The following AGBL2 variants were observed in gnomAD, a reference collection of about 807,000 sequenced individuals.
AGBL2 encodes AGBL carboxypeptidase 2.
Under a neutral mutation model 103.0 loss-of-function variants are expected in AGBL2, and 87 were observed. The ratio of observed to expected loss-of-function variants is 0.84; its 90% CI spans 0.71 to 1.01. AGBL2 has a LOEUF of 1.01. AGBL2 is among the 50% of genes least tolerant of loss of function. The pLI, the probability that AGBL2 is intolerant of heterozygous loss-of-function variation, is 0.00. For synonymous variants in AGBL2, 335 were observed against 356.7 expected (o/e 0.94, Z 0.69); for missense variants, 904 against 1,023.5 (o/e 0.88, Z 1.59).
At chr11:47,689,170 G>C (rs1270794514) in intron 10 of AGBL2, among the ~76,000 whole-genome samples, 1 of 151,928 alleles carries the variant, frequency 6.6e-6, no homozygotes, top group Non-Finnish European at 1.5e-5. Flanking sequence ...TTCTTTCTTT[G>C]TGATAGGCAA....
chr11:47,708,874 C>A (rs541018127), intron 4 of AGBL2, among the ~76,000 whole-genome samples: 1 of 151,838 alleles, frequency 6.6e-6, no homozygotes, highest in African/African-American at 2.4e-5. Flanking sequence ...GTAATCCCAG[C>A]ACTTTGGGAG....
rs761643461 is a variant in AGBL2, at chr11:47,668,887, G to C, written c.2168C>G (p.Ser723Cys). 6.2e-7 allele frequency: 1 copy of C among 1,612,724 alleles called. No homozygotes were observed. Among genetic ancestry groups the C allele is most frequent in the South Asian group, 1.1e-5 (1 of 91,018 alleles). Reference sequence around the variant, plus strand: ...GTGAACAGGAAGACCATCTGAGAGAGAACTGTCAGAGCCACTGGTGCTGTT... The same window carrying C: ...GTGAACAGGAAGACCATCTGAGAGACAACTGTCAGAGCCACTGGTGCTGTT... Reference protein sequence around the residue: ...IESSTSGSDSSLSDGLPVHLA... With the variant: ...IESSTSGSDSCLSDGLPVHLA... Residue 723 changes from serine (S) to cysteine (C), a missense_variant, in exon 15 of 19, where the codon TCT becomes TGT. Ser to Cys is a moderately radical substitution (Grantham distance 112). Coordinates refer to ENST00000525123, the MANE Select transcript of AGBL2 (RefSeq NM_024783.4).
intron 10 of AGBL2, among the ~76,000 whole-genome samples, chr11:47,689,302 A>ATTTTTTTTTTT (rs397741033): frequency 7.9e-6 from 1 of 126,218 alleles, no homozygotes; most frequent in Non-Finnish European, 1.6e-5. Context: ...CCACTTCTCA[A>ATTTTTTTTTTT]TTTTTTTTTT....
intron 18 of AGBL2, among the ~76,000 whole-genome samples, chr11:47,661,046 T>C (rs1242049916): frequency 6.6e-6 from 1 of 152,096 alleles, no homozygotes; most frequent in African/African-American, 2.4e-5. Context: ...TATCACACTA[T>C]AAATTTTAAG....
chr11:47,667,015 TG>T lies in AGBL2; in HGVS notation c.2388del (p.Phe796LeufsTer12). ...AAAAAACTGGAATTCTCTGAGTTTT[TG>T]AAAAAGGTTGGCTGCTTTTGCAGAG... ...ASTLQKQPTFFKNSENSSFLP... is the reference protein window; with the variant it reads ...ASTLQKQPTFXKNSENSSFLP... On this transcript the variant is annotated frameshift_variant, in exon 17 of 19. Coordinates refer to ENST00000525123, the MANE Select transcript of AGBL2 (RefSeq NM_024783.4). LOFTEE classifies it high-confidence loss of function. 6.2e-7 allele frequency: 1 copy of T among 1,613,270 alleles called. No homozygotes were observed. The highest frequency in any genetic ancestry group is 8.5e-7 in the Non-Finnish European group (1 of 1,179,828).
rs1390294860 is a variant in AGBL2, at chr11:47,682,069, CTTAAAA to C, written c.1809_1814del (p.Asn603_Phe604del). 2.5e-6 allele frequency: 4 copies of C among 1,614,000 alleles called. 1 individual carries two copies. In the South Asian group the frequency reaches 4.4e-5, roughly 18 times the overall value. ...CTGTTCCTTCTTTGCATTTTTGGAC[CTTAAAA>C]TTACAACTGTGAAAAGAGAACTAAA... On this transcript the variant is annotated inframe_deletion, in exon 12 of 19. Coordinates refer to ENST00000525123, the MANE Select transcript of AGBL2 (RefSeq NM_024783.4).
At chr11:47,701,140 T>C (rs1222247085) in intron 7 of AGBL2, among the ~76,000 whole-genome samples, 1 of 152,054 alleles carries the variant, frequency 6.6e-6, no homozygotes, top group Admixed American at 6.6e-5. Flanking sequence ...ATAAGTTTCT[T>C]TGAAACATTT....
At chr11:47,707,503 C>A (rs1323141020) in intron 4 of AGBL2, among the ~76,000 whole-genome samples, 1 of 152,170 alleles carries the variant, frequency 6.6e-6, no homozygotes, top group Non-Finnish European at 1.5e-5. Context: ...ATAGAACTAT[C>A]TGATCTCGTG....
intron 3 of AGBL2, 104 bp from the exon 4 acceptor site, chr11:47,710,615 A>C (rs1329843035): frequency 1.5e-6 from 2 of 1,369,312 alleles, no homozygotes; most frequent in East Asian, 4.6e-5. Context: ...ACCCACCACC[A>C]CAGCCCTTTG....
chr11:47,712,474 T>G (rs1376191752), intron 3 of AGBL2, among the ~76,000 whole-genome samples: 1 of 152,214 alleles, frequency 6.6e-6, no homozygotes, highest in East Asian at 1.9e-4. Context: ...TATAAATCTT[T>G]ATTGGGAGAC....
intron 14 of AGBL2, among the ~76,000 whole-genome samples, chr11:47,675,878 C>T (rs972804727): frequency 4.9e-4 from 74 of 151,990 alleles, no homozygotes; most frequent in African/African-American, 1.8e-3. Flanking sequence ...TGATGGTGCA[C>T]ACCTGTAGTC....
chr11:47,692,913 T>A (rs2097453702), intron 8 of AGBL2, among the ~76,000 whole-genome samples: 1 of 151,906 alleles, frequency 6.6e-6, no homozygotes, highest in Non-Finnish European at 1.5e-5. Context: ...CTACCTTTTG[T>A]GCTCAAGTGA....
In AGBL2 at chr11:47,706,519, A is replaced by G. The variant is rs911488911; in HGVS notation, c.233-602T>C. ...GCACAGAGCAAGACTCCGTCTCAAA[A>G]AAAAAATAAATAAAAATAAAAATAA... On this transcript the variant is annotated intron_variant, in intron 4 of 18. Coordinates refer to ENST00000525123, the MANE Select transcript of AGBL2 (RefSeq NM_024783.4). Among the ~76,000 whole-genome samples the G allele has an allele frequency of 6.6e-5, 10 of 152,202 alleles. No individual in the cohort carries two copies. In the East Asian group the frequency reaches 1.9e-3, roughly 29 times the overall value.
At chr11:47,714,538 A>C in intron 2 of AGBL2, 80 bp downstream of exon 2, 1 of 1,469,620 alleles carries the variant, frequency 6.8e-7, no homozygotes. Context: ...CTTCTCATCT[A>C]GTAGCAGATT....
chr11:47,686,758 C>T (rs1466685095), intron 10 of AGBL2, among the ~76,000 whole-genome samples: 2 of 151,436 alleles, frequency 1.3e-5, no homozygotes, highest in East Asian at 1.9e-4. Flanking sequence ...GTTAGGAGTT[C>T]GAGACCAGCC....
At chr11:47,673,544 G>A (rs949235893) in intron 14 of AGBL2, among the ~76,000 whole-genome samples, 4 of 151,780 alleles carry the variant, frequency 2.6e-5, no homozygotes, top group African/African-American at 9.7e-5. Context: ...AGAATCGCTT[G>A]AGCCCGGGAG....
At chr11:47,668,690 A>G in intron 15 of AGBL2, 151 bp downstream of exon 15, 1 of 568,522 alleles carries the variant, frequency 1.8e-6, no homozygotes, top group South Asian at 2.4e-5. Flanking sequence ...AAAGGACAAA[A>G]CAAGAGACTT....
intron 16 of AGBL2, 110 bp from the exon 17 acceptor site, chr11:47,667,173 A>G: frequency 5.4e-6 from 4 of 743,058 alleles, no homozygotes; most frequent in Non-Finnish European, 6.5e-6. Flanking sequence ...TTTAGAAAGC[A>G]GAGGGTATGG....
rs770483795 is a variant in AGBL2, at chr11:47,690,659, T to C, written c.1048A>G (p.Asn350Asp). 1 of 1,614,160 alleles carries C rather than the reference T, an allele frequency of 6.2e-7. No individual in the cohort carries two copies. Among genetic ancestry groups the C allele is most frequent in the Non-Finnish European group, 8.5e-7 (1 of 1,180,030 alleles). ...LYSQLDANTRNIGWRREGNEI... is the reference protein window; with the variant it reads ...LYSQLDANTRDIGWRREGNEI... ...TTTCCTTCTCTCCTCCAGCCAATAT[T>C]GCGGGTGTTGGCATCCAATTGGGAG... Residue 350 changes from asparagine to aspartate, a missense_variant, in exon 10 of 19, where the codon AAT becomes GAT. By Grantham distance (23) the Asn-to-Asp change is conservative. Coordinates refer to ENST00000525123, the MANE Select transcript of AGBL2 (RefSeq NM_024783.4).
Sources: allele counts gnomAD v4.1 joint callset (sites outside exome capture counted in the v4.1 genomes callset), GRCh38; gene constraint gnomAD v4.1.1; transcripts MANE v1.5; gene names NCBI Gene and HGNC (gene_info 2026-07-23, HGNC 2026-07-21).